Variants in SLC4A4 observed in about 807,000 individuals in gnomAD.
The protein encoded by SLC4A4 is solute carrier family 4 member 4.
SLC4A4 carries 27 observed loss-of-function variants against 111.5 expected under a neutral mutation model. That is an observed-to-expected ratio of 0.24 (90% CI 0.18 to 0.33). The LOEUF (loss-of-function observed/expected upper bound fraction) is 0.33. Ranked by LOEUF, SLC4A4 falls within the 10% of genes least tolerant of loss-of-function variation. The probability of loss-of-function intolerance (pLI) is 1.00; values close to 1 mark genes in which losing one functional copy is unlikely to be tolerated. For missense variants in SLC4A4, 909 were observed against 1,315.5 expected, an observed-to-expected ratio of 0.69 and a Z score of 4.78; for synonymous variants, 443 against 463.4, an observed-to-expected ratio of 0.96 and a Z score of 0.57.
In SLC4A4 at chr4:71,569,512, G is replaced by A. The variant is rs886059607; in HGVS notation, c.*1761G>A. ...ACATTTATTAACCAAATTTAACGTG[G>A]TATTTAAAGGTAATATTTTTAATAT... On this transcript the variant is annotated 3_prime_UTR_variant, in exon 26 of 26. Transcript: ENST00000264485. The A allele has an allele frequency of 8.6e-5, 13 of 151,362 alleles. No individual in the cohort carries two copies. Among genetic ancestry groups the A allele is most frequent in the African/African-American group, 1.2e-4 (5 of 41,250 alleles). 9.4% of individuals were successfully genotyped at this position (151,362 alleles called of 1,614,324 possible).
chr4:71,414,903 G>A (rs1420487185), intron 7 of SLC4A4, among the ~76,000 whole-genome samples: 1 of 152,160 alleles, frequency 6.6e-6, no homozygotes, highest in Non-Finnish European at 1.5e-5. Context: ...TAGAAATAAA[G>A]CATTTCATTT....
chr4:71,172,034 A>T (rs1744957329), intron 2 of SLC4A4, among the ~76,000 whole-genome samples: 1 of 152,098 alleles, frequency 6.6e-6, no homozygotes, highest in Non-Finnish European at 1.5e-5. Flanking sequence ...ACTTCCCTGG[A>T]CTAGGACACC....
intron 2 of SLC4A4, among the ~76,000 whole-genome samples, chr4:71,174,278 G>C (rs1202941188): frequency 6.8e-6 from 1 of 146,376 alleles, no homozygotes; most frequent in Non-Finnish European, 1.5e-5. Flanking sequence ...TTTTGAGACA[G>C]AGTCTTACTC....
At chr4:71,124,191 T>G (rs1743504287) in intron 2 of SLC4A4, among the ~76,000 whole-genome samples, 1 of 102,812 alleles carries the variant, frequency 9.7e-6, no homozygotes, top group East Asian at 3.0e-4. Context: ...TTTTTTTTTT[T>G]GTGACAGAGT....
chr4:71,453,489 G>T lies in SLC4A4; in HGVS notation c.1323-6G>T, dbSNP rs1350432807. ...TTTAGTGGATGTTTGCATTCTCTCT[G>T]CCCAGGTTCTGTGGTGGACTAATTA... On this transcript the variant is annotated splice_region_variant and splice_polypyrimidine_tract_variant and intron_variant, in intron 11 of 25. Transcript: ENST00000264485. 2 of 1,613,466 alleles carry T rather than the reference G, an allele frequency of 1.2e-6. No homozygotes were observed. The highest frequency in any genetic ancestry group is 1.7e-6 in the Non-Finnish European group (2 of 1,179,622).
chr4:71,465,399 A>C (rs1044311832), intron 12 of SLC4A4, among the ~76,000 whole-genome samples: 2 of 151,756 alleles, frequency 1.3e-5, no homozygotes, highest in Non-Finnish European at 2.9e-5. Flanking sequence ...TATGTTTAAA[A>C]ATCATGTCTT....
chr4:71,464,266 C>T (rs1462898222), intron 12 of SLC4A4, among the ~76,000 whole-genome samples: 1 of 152,194 alleles, frequency 6.6e-6, no homozygotes, highest in Non-Finnish European at 1.5e-5. Context: ...CTTGTTGTGT[C>T]ACATTGAATG....
intron 3 of SLC4A4, among the ~76,000 whole-genome samples, chr4:71,259,804 G>A (rs1721717054): frequency 6.6e-6 from 1 of 152,130 alleles, no homozygotes; most frequent in Non-Finnish European, 1.5e-5. Context: ...GGATACTTAT[G>A]GGGGCATCAC....
chr4:71,559,818 C>T (rs1314670999), intron 22 of SLC4A4, among the ~76,000 whole-genome samples: 1 of 151,838 alleles, frequency 6.6e-6, no homozygotes, highest in Non-Finnish European at 1.5e-5. Flanking sequence ...GAAAAACAAT[C>T]TTTTCACATT....
chr4:71,148,195 A>G lies in SLC4A4; in HGVS notation c.-2+55403A>G, dbSNP rs144128275. ...GACAGGGAACTTCCAAGTTCCTGAG[A>G]TAGCACATCTGATATTTATAATTTT... On this transcript the variant is annotated intron_variant, in intron 2 of 26. Transcript: ENST00000649996. 2.1e-3 allele frequency among the ~76,000 whole-genome samples: 321 copies of G among 152,260 alleles called. 3 individuals are homozygous for G. Among genetic ancestry groups the G allele is most frequent in the African/African-American group, 7.4e-3 (308 of 41,570 alleles).
intron 1 of SLC4A4, among the ~76,000 whole-genome samples, chr4:71,069,684 A>G (rs760574401): frequency 6.6e-6 from 1 of 152,154 alleles, no homozygotes; most frequent in Non-Finnish European, 1.5e-5. Context: ...AAGTCACTTT[A>G]TCCTTATTTT....
intron 1 of SLC4A4, among the ~76,000 whole-genome samples, chr4:71,214,379 C>G (rs1025493948): frequency 6.6e-6 from 1 of 152,154 alleles, no homozygotes; most frequent in Admixed American, 6.5e-5. Context: ...GTTAGCATTT[C>G]CTGATCAAGA....
chr4:71,133,110 T>C (rs1449469453), intron 2 of SLC4A4, among the ~76,000 whole-genome samples: 2 of 152,198 alleles, frequency 1.3e-5, no homozygotes, highest in African/African-American at 4.8e-5. Flanking sequence ...AAAATTTTTA[T>C]TGTAATTTGG....
At chr4:71,087,860 G>T (rs551481778) in intron 1 of SLC4A4, among the ~76,000 whole-genome samples, 3 of 151,988 alleles carry the variant, frequency 2.0e-5, no homozygotes, top group African/African-American at 7.3e-5. Context: ...GTGGTGTGGT[G>T]CTGAGAAGAA....
Position 71,567,040 on chromosome 4 carries a change from C to T in SLC4A4, c.3233C>T (p.Ser1078Leu). Residue 1078 changes from serine (S) to leucine (L), a missense_variant, in exon 25 of 26, where the codon TCA becomes TTA. Physicochemically the swap from Ser to Leu is moderately radical, Grantham distance 145. Transcript: ENST00000264485. ...RSPTFLERHT[S>L]C ...CCAACATTCCTTGAACGCCACACATCATGCTGATAAAATTCCTTTCCTTCA... is the reference window on the plus strand; with the variant it reads ...CCAACATTCCTTGAACGCCACACATTATGCTGATAAAATTCCTTTCCTTCA... 1 of 1,610,268 alleles carries T rather than the reference C, an allele frequency of 6.2e-7. No homozygotes were observed. Among genetic ancestry groups the T allele is most frequent in the Non-Finnish European group, 8.5e-7 (1 of 1,177,600 alleles).
intron 6 of SLC4A4, among the ~76,000 whole-genome samples, chr4:71,366,919 A>G (rs1731389701): frequency 6.6e-6 from 1 of 152,232 alleles, no homozygotes; most frequent in African/African-American, 2.4e-5. Flanking sequence ...ATGCTGTGCA[A>G]GTCTCAGCTT....
chr4:71,172,708 A>G (rs1744978683), intron 2 of SLC4A4, among the ~76,000 whole-genome samples: 1 of 152,246 alleles, frequency 6.6e-6, no homozygotes, highest in Non-Finnish European at 1.5e-5. Flanking sequence ...AAACAGAGAT[A>G]AAAGTCTCGA....
intron 6 of SLC4A4, among the ~76,000 whole-genome samples, chr4:71,377,138 A>G (rs1354040722): frequency 6.6e-6 from 1 of 152,256 alleles, no homozygotes; most frequent in Non-Finnish European, 1.5e-5. Context: ...ACGTATTGAT[A>G]GATATGACCC....
chr4:71,439,798 T>C (rs1241988353), intron 7 of SLC4A4, among the ~76,000 whole-genome samples: 4 of 151,542 alleles, frequency 2.6e-5, no homozygotes, highest in Non-Finnish European at 4.4e-5. Context: ...CAAATTTACG[T>C]CTTCCCTCTC....
Sources: allele counts gnomAD v4.1 joint callset (sites outside exome capture counted in the v4.1 genomes callset), GRCh38; gene constraint gnomAD v4.1.1; transcripts MANE v1.5; gene names NCBI Gene and HGNC (gene_info 2026-07-23, HGNC 2026-07-21).